The following TRMT11 variants were observed in gnomAD, a reference collection of about 807,000 sequenced individuals.
TRMT11 encodes the protein tRNA methyltransferase 11, also known as tRNA (guanine(10)-N(2))-methyltransferase TRMT11.
Under a neutral mutation model 62.8 loss-of-function variants are expected in TRMT11, and 53 were observed. That is an observed-to-expected ratio of 0.84 (90% confidence interval 0.68 to 1.06). TRMT11 has a LOEUF of 1.06. TRMT11 is among the 50% of genes least tolerant of loss of function. The pLI, the probability that TRMT11 is intolerant of heterozygous loss-of-function variation, is 0.00. For synonymous variants in TRMT11, 188 were observed against 190.3 expected (o/e 0.99, Z 0.10); for missense variants, 556 against 553.4 (o/e 1.00, Z -0.05).
intron 17 of TRMT11, among the ~76,000 whole-genome samples, chr6:126,102,604 T>C (rs1381525055): frequency 2.0e-5 from 3 of 151,854 alleles, no homozygotes; most frequent in Non-Finnish European, 4.4e-5. Flanking sequence ...TGCCTAACAA[T>C]GCTAGGCAGG....
the TRMT11 span, among the ~76,000 whole-genome samples, chr6:126,212,750 C>T: frequency 6.6e-6 from 1 of 152,034 alleles, no homozygotes; most frequent in African/African-American, 2.4e-5. Context: ...TTGCTGATTG[C>T]TTCTTTTGCT....
chr6:126,013,362 T>A (rs1162934957), intron 11 of TRMT11, among the ~76,000 whole-genome samples: 1 of 152,104 alleles, frequency 6.6e-6, no homozygotes, highest in African/African-American at 2.4e-5. Context: ...GCTCAAGTGA[T>A]CCTCCCACCT....
At chr6:126,116,135 A>G (rs1041665579) in intron 21 of TRMT11, among the ~76,000 whole-genome samples, 4 of 150,616 alleles carry the variant, frequency 2.7e-5, no homozygotes, top group African/African-American at 9.8e-5. Context: ...ATGCCTTCTC[A>G]TTTAACAACC....
chr6:126,093,895 A>G (rs886294098), intron 17 of TRMT11, among the ~76,000 whole-genome samples: 1 of 151,988 alleles, frequency 6.6e-6, no homozygotes, highest in East Asian at 1.9e-4. Context: ...AATAATTGCA[A>G]ATTTCCTGAA....
intron 21 of TRMT11, among the ~76,000 whole-genome samples, chr6:126,170,385 T>A (rs568397861): frequency 1.3e-5 from 2 of 152,344 alleles, no homozygotes; most frequent in East Asian, 3.9e-4. Context: ...CAAAATTTCC[T>A]TATCACTTAG....
chr6:126,196,906 A>G (rs1778673441), intron 1 of TRMT11, among the ~76,000 whole-genome samples: 1 of 152,160 alleles, frequency 6.6e-6, no homozygotes, highest in Admixed American at 6.5e-5. Context: ...TATCTACCTC[A>G]CAAATATTTA....
intron 7 of TRMT11, among the ~76,000 whole-genome samples, chr6:126,006,687 T>G (rs1232747062): frequency 1.3e-5 from 2 of 151,840 alleles, no homozygotes; most frequent in African/African-American, 4.8e-5. Context: ...TGCTTCAATT[T>G]AATCAAAAGA....
At chr6:126,046,368 GT>G (rs1776056958) in intron 16 of TRMT11, among the ~76,000 whole-genome samples, 1 of 152,158 alleles carries the variant, frequency 6.6e-6, no homozygotes, top group Non-Finnish European at 1.5e-5. Context: ...ATTTTGCTTT[GT>G]TTTGGGGACC....
the TRMT11 span, among the ~76,000 whole-genome samples, chr6:126,215,181 T>G: frequency 1.3e-5 from 2 of 152,030 alleles, no homozygotes; most frequent in African/African-American, 2.4e-5. Flanking sequence ...GACAAAATGT[T>G]CTGGAAATAT....
intron 1 of TRMT11, among the ~76,000 whole-genome samples, chr6:126,197,527 G>A (rs1778680361): frequency 6.6e-6 from 1 of 152,090 alleles, no homozygotes; most frequent in Non-Finnish European, 1.5e-5. Flanking sequence ...TTCACTTTAT[G>A]GGAGGTTATT....
At chr6:126,134,752 AG>A (rs1326257439) in intron 21 of TRMT11, among the ~76,000 whole-genome samples, 1 of 151,950 alleles carries the variant, frequency 6.6e-6, no homozygotes, top group Non-Finnish European at 1.5e-5. Flanking sequence ...CCACAAAACA[AG>A]TCTCAACAAA....
At chr6:126,039,604 GC>G (rs983403878), downstream of TRMT11, among the ~76,000 whole-genome samples, 5 of 152,036 alleles carry the variant, frequency 3.3e-5, no homozygotes, top group African/African-American at 9.7e-5. Flanking sequence ...CCTAATCAGT[GC>G]CCTTTGAAAT....
In TRMT11 at chr6:126,021,160, A is replaced by T; in HGVS notation, c.1140A>T (p.Glu380Asp). The T allele has an allele frequency of 6.2e-7, 1 of 1,614,052 alleles. No individual in the cohort carries two copies. The highest frequency in any genetic ancestry group is 8.5e-7 in the Non-Finnish European group (1 of 1,179,916). The change falls in exon 12 of 13, where the codon GAA becomes GAT. Residue 380 changes from glutamate (E) to aspartate (D), a missense_variant and splice_region_variant. Physicochemically the swap from Glu to Asp is conservative, Grantham distance 45. Coordinates refer to ENST00000334379, the MANE Select transcript of TRMT11 (RefSeq NM_001031712.3). ...TAACAGTCAGCTGTTCTTTCTTCAG[A>T]TACACTGAAGAGATGGTGCCTTGGC... ...LVYWLPVYTP[E>D]YTEEMVPWHP...
At chr6:126,265,713 A>G in the TRMT11 span, among the ~76,000 whole-genome samples, 1 of 152,264 alleles carries the variant, frequency 6.6e-6, no homozygotes, top group East Asian at 1.9e-4. Flanking sequence ...CAGGCTTCCA[A>G]TGATTAATTA....
chr6:126,012,235 C>T (rs1201070150), intron 9 of TRMT11, among the ~76,000 whole-genome samples: 1 of 152,044 alleles, frequency 6.6e-6, no homozygotes, highest in Non-Finnish European at 1.5e-5. Flanking sequence ...TTTGCTCTCC[C>T]ACTCTGTGTT....
chr6:126,209,387 T>C, the TRMT11 span, among the ~76,000 whole-genome samples: 1 of 152,262 alleles, frequency 6.6e-6, no homozygotes, highest in South Asian at 2.1e-4. Flanking sequence ...TACATTTCTC[T>C]GTAAGGTTGC....
chr6:126,132,496 T>A (rs182490828), intron 21 of TRMT11, among the ~76,000 whole-genome samples: 2 of 152,168 alleles, frequency 1.3e-5, no homozygotes, highest in African/African-American at 4.8e-5. Flanking sequence ...TATCATTTCA[T>A]ATTCTGGCCT....
intron 17 of TRMT11, among the ~76,000 whole-genome samples, chr6:126,062,028 C>T (rs757096514): frequency 5.3e-5 from 8 of 152,256 alleles, no homozygotes; most frequent in Middle Eastern, 3.4e-3. Context: ...TACAGGTACA[C>T]GCTGCCACGC....
At chr6:126,175,092 T>C (rs1314313977), upstream of TRMT11, among the ~76,000 whole-genome samples, 1 of 152,218 alleles carries the variant, frequency 6.6e-6, no homozygotes, top group Non-Finnish European at 1.5e-5. Flanking sequence ...ATGATACACA[T>C]ATTGGAATGT....
Sources: allele counts gnomAD v4.1 joint callset (sites outside exome capture counted in the v4.1 genomes callset), GRCh38; gene constraint gnomAD v4.1.1; transcripts MANE v1.5; gene names NCBI Gene and HGNC (gene_info 2026-07-23, HGNC 2026-07-21).